SYN3: variants seen among roughly 807,000 people sequenced by gnomAD.
The protein encoded by SYN3 is synapsin-3.
A neutral mutation model predicts 65.8 loss-of-function variants in SYN3; 35 were observed. The ratio of observed to expected loss-of-function variants is 0.53; its 90% CI spans 0.41 to 0.70. The LOEUF (loss-of-function observed/expected upper bound fraction) is 0.70. SYN3 is among the 30% of genes least tolerant of loss of function. The pLI is 0.00. For missense variants in SYN3, 680 were observed against 749.0 expected (o/e 0.91, Z 1.08); for synonymous variants, 270 against 292.9 (o/e 0.92, Z 0.80).
chr22:32,718,641 G>A (rs2061072620), intron 6 of SYN3, among the ~76,000 whole-genome samples: 3 of 149,468 alleles, frequency 2.0e-5, no homozygotes, highest in Non-Finnish European at 3.0e-5. Flanking sequence ...ACATAGAAGT[G>A]AAACTGACCA....
At chr22:32,877,817 A>G (rs556473876) in intron 4 of SYN3, among the ~76,000 whole-genome samples, 2 of 152,092 alleles carry the variant, frequency 1.3e-5, no homozygotes, top group African/African-American at 4.8e-5. Context: ...GAGCTCCTCC[A>G]AGGCTCAATC....
intron 7 of SYN3, among the ~76,000 whole-genome samples, chr22:32,560,565 G>A (rs2058572287): frequency 1.3e-5 from 2 of 152,136 alleles, no homozygotes; most frequent in Non-Finnish European, 2.9e-5. Flanking sequence ...CCTGAGGTGC[G>A]ACATTGACGT....
intron 4 of SYN3, among the ~76,000 whole-genome samples, chr22:32,921,612 C>T (rs1281804631): frequency 1.3e-5 from 2 of 152,142 alleles, no homozygotes; most frequent in East Asian, 3.8e-4. Context: ...AGTGGTGCTA[C>T]TTTCTAAAAG....
At chr22:32,715,447 G>A (rs2061024262) in intron 6 of SYN3, among the ~76,000 whole-genome samples, 1 of 152,178 alleles carries the variant, frequency 6.6e-6, no homozygotes, top group Non-Finnish European at 1.5e-5. Flanking sequence ...GTAAATATTT[G>A]TTCGTTTCTA....
chr22:33,017,435 T>C (rs1168471540), intron 1 of SYN3, among the ~76,000 whole-genome samples: 1 of 152,240 alleles, frequency 6.6e-6, no homozygotes, highest in Non-Finnish European at 1.5e-5. Flanking sequence ...GGAATGTTGA[T>C]AGGGATTGCA....
intron 6 of SYN3, among the ~76,000 whole-genome samples, chr22:32,733,963 C>T (rs915832269): frequency 1.8e-3 from 1 of 554 alleles, no homozygotes; most frequent in African/African-American, 8.8e-3. Flanking sequence ...TTCAAAAGGA[C>T]CAAAAGCCAG....
At chr22:32,541,447 A>G in intron 8 of SYN3, 124 bp downstream of exon 8, 1 of 1,209,898 alleles carries the variant, frequency 8.3e-7, no homozygotes, top group Non-Finnish European at 1.2e-6. Flanking sequence ...ACAGAGAAGA[A>G]GGGCAGTAAG....
intron 6 of SYN3, among the ~76,000 whole-genome samples, chr22:32,730,659 T>C (rs1569179683): frequency 1.3e-5 from 2 of 152,214 alleles, no homozygotes; most frequent in South Asian, 2.1e-4. Flanking sequence ...AAAATTCAGG[T>C]TCTGGCATCT....
chr22:33,044,637 A>G (rs926898792), intron 1 of SYN3, among the ~76,000 whole-genome samples: 1 of 151,712 alleles, frequency 6.6e-6, no homozygotes, highest in Non-Finnish European at 1.5e-5. Flanking sequence ...ACTTTCTCCA[A>G]GTCGGAATTC....
intron 6 of SYN3, among the ~76,000 whole-genome samples, chr22:32,690,795 G>T (rs2060651609): frequency 1.3e-5 from 2 of 152,198 alleles, no homozygotes; most frequent in African/African-American, 4.8e-5. Context: ...GGACAGTTCT[G>T]ATTCTAGGGC....
chr22:32,777,185 A>T, intron 6 of SYN3, among the ~76,000 whole-genome samples: 1 of 152,134 alleles, frequency 6.6e-6, no homozygotes, highest in Non-Finnish European at 1.5e-5. Flanking sequence ...AGGAACATTT[A>T]GTGACCCATC....
chr22:32,564,742 T>TGGGCTGCACCCAGTGCTCCC (rs2058637908), intron 7 of SYN3, among the ~76,000 whole-genome samples: 1 of 117,656 alleles, frequency 8.5e-6, no homozygotes. Context: ...ACAGTGCTCC[T>TGGGCTGCACCCAGTGCTCCC]GGGCTGCACC....
chr22:32,891,296 C>G (rs3885546), intron 4 of SYN3, among the ~76,000 whole-genome samples: 4 of 152,174 alleles, frequency 2.6e-5, no homozygotes, highest in African/African-American at 9.7e-5. Flanking sequence ...ATTCTCGAAA[C>G]CTAAAGCCAC....
chr22:32,723,435 C>G (rs1478153116), intron 6 of SYN3, among the ~76,000 whole-genome samples: 6 of 152,168 alleles, frequency 3.9e-5, no homozygotes, highest in Non-Finnish European at 8.8e-5. Flanking sequence ...GTGGGGACTG[C>G]CTAGAATCTG....
intron 3 of SYN3, among the ~76,000 whole-genome samples, chr22:32,945,625 G>A (rs1281308932): frequency 6.6e-5 from 10 of 152,146 alleles, no homozygotes; most frequent in Non-Finnish European, 1.3e-4. Flanking sequence ...CAGGACATAG[G>A]CATGGGCAAG....
chr22:32,864,690 G>T, intron 6 of SYN3: 1 of 402,328 alleles, frequency 2.5e-6, no homozygotes, highest in East Asian at 3.9e-5. Flanking sequence ...TCCAAGGAAT[G>T]TGGTTCACCT....
At chr22:32,770,283 A>G (rs1416807570) in intron 6 of SYN3, among the ~76,000 whole-genome samples, 1 of 152,142 alleles carries the variant, frequency 6.6e-6, no homozygotes, top group East Asian at 1.9e-4. Context: ...CCCACAACCA[A>G]TCTCTTCTCA....
intron 12 of SYN3, among the ~76,000 whole-genome samples, chr22:32,520,041 G>A (rs1284302701): frequency 6.6e-6 from 1 of 152,126 alleles, no homozygotes; most frequent in Non-Finnish European, 1.5e-5. Flanking sequence ...AGAGCCACAT[G>A]TATAATTACA....
intron 12 of SYN3, 157 bp downstream of exon 12, chr22:32,527,761 A>T: frequency 3.3e-6 from 2 of 612,962 alleles, no homozygotes; most frequent in Non-Finnish European, 5.6e-6. Flanking sequence ...TTGACTTTTT[A>T]AAGAGTTTGA....
Sources: gnomAD v4.1 joint callset for allele counts (sites outside exome capture counted in the v4.1 genomes callset) on GRCh38, gnomAD v4.1.1 for gene constraint, MANE v1.5 for transcripts, NCBI Gene and HGNC (gene_info 2026-07-23, HGNC 2026-07-21) for gene names.